The following CLDN14 variants were observed in gnomAD, a reference collection of about 807,000 sequenced individuals.
The protein encoded by CLDN14 is claudin 14, also known as claudin-14.
CLDN14 carries 2 observed loss-of-function variants against 2.1 expected under a neutral mutation model. The observed-to-expected ratio is 0.96, with a 90% CI of 0.39 to 3.01. The LOEUF is 3.01. CLDN14 is among the 30% of genes most tolerant of loss of function. The pLI is 0.09. For synonymous variants in CLDN14, 136 were observed against 154.4 expected, an observed-to-expected ratio of 0.88 and a Z score of 0.88; for missense variants, 298 against 328.0, an observed-to-expected ratio of 0.91 and a Z score of 0.71.
intron 1 of CLDN14, among the ~76,000 whole-genome samples, chr21:36,467,576 A>T (rs2086662074): frequency 6.6e-6 from 1 of 151,440 alleles, no homozygotes; most frequent in Non-Finnish European, 1.5e-5. Context: ...TGCCAAAGTG[A>T]TTTTACTGCA....
intron 2 of CLDN14, among the ~76,000 whole-genome samples, chr21:36,510,100 G>T (rs993774857): frequency 6.6e-6 from 1 of 152,146 alleles, no homozygotes; most frequent in Non-Finnish European, 1.5e-5. Context: ...TGGGTTTTTG[G>T]CCTCTTTATC....
At chr21:36,569,415 CA>C (rs749837574) in intron 1 of CLDN14, among the ~76,000 whole-genome samples, 228 of 119,442 alleles carry the variant, frequency 1.9e-3, no homozygotes, top group East Asian at 2.6e-3. Context: ...GACTCCGTCT[CA>C]AAAAAAAAAA....
chr21:36,549,267 T>C (rs370038211), intron 1 of CLDN14, among the ~76,000 whole-genome samples: 1 of 149,328 alleles, frequency 6.7e-6, no homozygotes, highest in East Asian at 2.0e-4. Context: ...ATGTGTGCAT[T>C]ACACACACAC....
At chr21:36,481,979 C>T (rs1209869590), upstream of CLDN14, among the ~76,000 whole-genome samples, 1 of 152,138 alleles carries the variant, frequency 6.6e-6, no homozygotes, top group Non-Finnish European at 1.5e-5. Flanking sequence ...GGTAGAGAGG[C>T]TGGTCCCGAG....
intron 1 of CLDN14, among the ~76,000 whole-genome samples, chr21:36,535,644 G>T (rs2087418189): frequency 1.3e-5 from 2 of 152,144 alleles, no homozygotes; most frequent in African/African-American, 2.4e-5. Flanking sequence ...AGATGAACAG[G>T]TGCATTTCCT....
chr21:36,474,162 A>T (rs543201436), intron 1 of CLDN14, among the ~76,000 whole-genome samples: 1 of 152,320 alleles, frequency 6.6e-6, no homozygotes, highest in South Asian at 2.1e-4. Context: ...ACCTCAGGAT[A>T]TCTGTCAACT....
At chr21:36,506,253 G>A (rs892578983) in intron 2 of CLDN14, among the ~76,000 whole-genome samples, 8 of 152,230 alleles carry the variant, frequency 5.3e-5, no homozygotes, top group African/African-American at 1.9e-4. Flanking sequence ...GTTAAGTGAA[G>A]GAAGCAAGTT....
Position 36,461,744 on chromosome 21 carries a change from G to C in CLDN14, c.-49C>G. The stretch of plus-strand genomic sequence containing the variant: ...GCCGGGCAGCTCCCTGGGCCCTCGG[G>C]GTCACGCCGCTCCTCAGGTGCCAGC... On this transcript the variant is annotated 5_prime_UTR_variant, in exon 2 of 2. Coordinates refer to ENST00000399135, the MANE Select transcript of CLDN14 (RefSeq NM_001146079.2). The C allele has an allele frequency of 6.5e-7, 1 of 1,539,112 alleles. No individual in the cohort carries two copies. The highest frequency in any genetic ancestry group is 8.7e-7 in the Non-Finnish European group (1 of 1,144,054).
rs10483035 is a variant in CLDN14, at chr21:36,566,113, C to T, written c.-220+10298G>A. 7.4e-4 allele frequency among the ~76,000 whole-genome samples: 112 copies of T among 152,282 alleles called. 1 individual carries two copies. In the South Asian group the frequency reaches 0.021, roughly 29 times the overall value. ...AGGAAGTTAGTAAATCCCACTTCTA[C>T]CACTGCCTATACCAGGATCTACCTG... On this transcript the variant is annotated intron_variant, in intron 1 of 2. Coordinates refer to the CLDN14 transcript ENST00000342108.
At chr21:36,506,325 G>A (rs374579757) in intron 2 of CLDN14, among the ~76,000 whole-genome samples, 8 of 152,178 alleles carry the variant, frequency 5.3e-5, no homozygotes, top group Admixed American at 2.6e-4. Flanking sequence ...AGTCAGGTAC[G>A]GTGGCTCATG....
chr21:36,559,393 C>T (rs930030977), intron 1 of CLDN14, among the ~76,000 whole-genome samples: 10 of 152,220 alleles, frequency 6.6e-5, no homozygotes, highest in East Asian at 1.9e-4. Context: ...GACGGGGTTT[C>T]GCCATGTTGG....
intron 1 of CLDN14, among the ~76,000 whole-genome samples, chr21:36,528,050 T>C (rs1436133725): frequency 6.6e-6 from 1 of 152,224 alleles, no homozygotes; most frequent in African/African-American, 2.4e-5. Flanking sequence ...CTTTTAAAAA[T>C]CTTAGTAATT....
chr21:36,561,249 A>T (rs2087632900), intron 1 of CLDN14, among the ~76,000 whole-genome samples: 1 of 152,190 alleles, frequency 6.6e-6, no homozygotes, highest in African/African-American at 2.4e-5. Context: ...ATGCTCAGGG[A>T]CAGGGAGAAG....
At position 36,498,742 on chromosome 21, in the gene CLDN14, T is replaced by C. The variant is rs1050776971; in HGVS notation, c.-82+11621A>G. Among the ~76,000 whole-genome samples the C allele has an allele frequency of 6.6e-6, 1 of 152,144 alleles. No homozygotes were observed. The highest frequency in any genetic ancestry group is 6.5e-5 in the Admixed American group (1 of 15,274). ...CCTCTCAGCTGGCCTTCAGCTCCAA[T>C]ACAGACACGGGAAAACCAGTCTCAG... is the stretch of plus-strand genomic sequence containing the variant. On this transcript the variant is annotated intron_variant, in intron 2 of 2. Transcript: ENST00000342108. This position sits in a 1 kb window ranked among gnomAD's most constrained non-coding sequence, Gnocchi z 4.9.
At chr21:36,490,931 C>T (rs1056800301) in intron 2 of CLDN14, among the ~76,000 whole-genome samples, 2 of 148,008 alleles carry the variant, frequency 1.4e-5, no homozygotes, top group Non-Finnish European at 3.0e-5. Flanking sequence ...CGTGTGGGCA[C>T]ACACATGCAA....
At chr21:36,481,375 T>C (rs2086843527), upstream of CLDN14, among the ~76,000 whole-genome samples, 1 of 152,214 alleles carries the variant, frequency 6.6e-6, no homozygotes, top group Non-Finnish European at 1.5e-5. Flanking sequence ...ACCAGCATAA[T>C]AGTAAAATGT....
At chr21:36,536,404 A>G (rs944749506) in intron 1 of CLDN14, among the ~76,000 whole-genome samples, 7 of 152,206 alleles carry the variant, frequency 4.6e-5, no homozygotes, top group Non-Finnish European at 7.3e-5. Context: ...TTCTGTGTCA[A>G]TGTTGCATTC....
At chr21:36,487,912 G>T (rs2146458307) in intron 2 of CLDN14, among the ~76,000 whole-genome samples, 1 of 152,298 alleles carries the variant, frequency 6.6e-6, no homozygotes, top group South Asian at 2.1e-4. Context: ...TCCCAGGAAT[G>T]AACTGATGAG....
chr21:36,525,077 C>T lies in CLDN14; in HGVS notation c.-219-14577G>A, dbSNP rs140980761. On this transcript the variant is annotated intron_variant, in intron 1 of 2. Coordinates refer to the CLDN14 transcript ENST00000342108. Reference sequence around the variant, plus strand: ...GAATGTGCCAGTCAGGGCTCCCTCACGGAGGGTGAACACCAAGGCCCACCT... The same window carrying T: ...GAATGTGCCAGTCAGGGCTCCCTCATGGAGGGTGAACACCAAGGCCCACCT... Among the ~76,000 whole-genome samples, 675 of 152,314 alleles carry T rather than the reference C, an allele frequency of 4.4e-3. 7 individuals carry two copies. Among genetic ancestry groups the T allele is most frequent in the Non-Finnish European group, 7.8e-3 (531 of 68,032 alleles).
Sources: gnomAD v4.1 joint callset for allele counts (sites outside exome capture counted in the v4.1 genomes callset) on GRCh38, gnomAD v4.1.1 for gene constraint, Gnocchi (gnomAD v3.1) non-coding constraint, MANE v1.5 for transcripts, NCBI Gene and HGNC (gene_info 2026-07-23, HGNC 2026-07-21) for gene names.